GALR1: variants seen among roughly 807,000 people sequenced by gnomAD.
The protein encoded by GALR1 is galanin receptor type 1.
GALR1 carries 11 observed loss-of-function variants against 17.9 expected under a neutral mutation model. That is an observed-to-expected ratio of 0.62 (90% confidence interval 0.39 to 1.02). The LOEUF is 1.02. Ranked by LOEUF, GALR1 falls within the 50% of genes least tolerant of loss-of-function variation. The pLI, the probability that GALR1 is intolerant of heterozygous loss-of-function variation, is 0.01. For synonymous variants in GALR1, 206 were observed against 205.7 expected, an observed-to-expected ratio of 1.00 and a Z score of -0.01; for missense variants, 441 against 456.9, an observed-to-expected ratio of 0.97 and a Z score of 0.32.
At chr18:77,261,944 C>T (rs566167337) in intron 2 of GALR1, among the ~76,000 whole-genome samples, 52 of 152,246 alleles carry the variant, frequency 3.4e-4, no homozygotes, top group African/African-American at 1.2e-3. Flanking sequence ...CCACCTCAGC[C>T]TCCTGCATAG....
At position 77,274,637 on chromosome 18, in the gene GALR1, G is replaced by A. The variant is rs1439162938; in HGVS notation, c.*5735G>A. On this transcript the variant is annotated 3_prime_UTR_variant, in exon 3 of 3. Transcript: ENST00000299727. ...TGGGGACCGTTGACTATGCTGGGAG[G>A]GTGCAGAAATGAAGCTGATGGCAGA... 4 of 152,094 alleles carry A rather than the reference G, an allele frequency of 2.6e-5. No individual in the cohort carries two copies. The highest frequency in any genetic ancestry group is 9.7e-5 in the African/African-American group (4 of 41,394). 9.4% of individuals were successfully genotyped at this position (152,094 alleles called of 1,614,324 possible).
chr18:77,258,632 G>GGTGGGTA (rs1338840446), intron 2 of GALR1, among the ~76,000 whole-genome samples: 27 of 150,230 alleles, frequency 1.8e-4, no homozygotes, highest in Non-Finnish European at 3.6e-4. Context: ...TGGTGATGGT[G>GGTGGGTA]GTGATGGTGG....
rs1432982078 is a variant in GALR1 at position 77,276,665 on chromosome 18, G to A, written c.*7763G>A. 6.6e-6 allele frequency: 1 copy of A among 152,142 alleles called. No homozygotes were observed. The highest frequency in any genetic ancestry group is 2.4e-5 in the African/African-American group (1 of 41,424). 9.4% of individuals were successfully genotyped at this position (152,142 alleles called of 1,614,324 possible). A position where few individuals can be genotyped will look rare whatever the true frequency, so the allele number is the denominator to read the frequency against. On this transcript the variant is annotated 3_prime_UTR_variant, in exon 3 of 3. Coordinates refer to ENST00000299727, the MANE Select transcript of GALR1 (RefSeq NM_001480.4). ...TGGAGTCCAGGCTTTTTAAAACAGT[G>A]TCTGTATTTTCAGAGCAGATAACCA...
intron 1 of GALR1, among the ~76,000 whole-genome samples, chr18:77,252,953 CCACCAT>C (rs1568139156): frequency 0.016 from 1,046 of 66,504 alleles, 11 homozygotes; most frequent in South Asian, 0.031. Context: ...ACCACCATCA[CCACCAT>C]CACCACCACC....
intron 1 of GALR1, chr18:77,253,820 C>T (rs11664116): frequency 6.6e-5 from 10 of 152,106 alleles, no homozygotes; most frequent in African/African-American, 2.4e-4. Context: ...CAATTGCATT[C>T]CAGAGTTGCC....
Position 77,250,601 on chromosome 18 carries a change from C to T in GALR1, c.53C>T (p.Pro18Leu), listed in dbSNP as rs1475559386. ...GAGGGCAACGCGAGCTGGCCGGAGC[C>T]CCCCGCCCCGGAGCCCGGGCCGCTG... ...LSEGNASWPE[P>L]PAPEPGPLFG... Residue 18 changes from proline to leucine, a missense_variant, in exon 1 of 3, where the codon CCC becomes CTC. Physicochemically the swap from Pro to Leu is moderately conservative, Grantham distance 98. Coordinates refer to ENST00000299727, the MANE Select transcript of GALR1 (RefSeq NM_001480.4). 2.6e-6 allele frequency: 4 copies of T among 1,557,652 alleles called. No homozygotes were observed. Among genetic ancestry groups the T allele is most frequent in the East Asian group, 4.8e-5 (2 of 41,718 alleles).
chr18:77,252,971 T>TCACCACCACCACCACCAC (rs1912492036), intron 1 of GALR1, among the ~76,000 whole-genome samples: 1 of 23,192 alleles, frequency 4.3e-5, no homozygotes, highest in Non-Finnish European at 8.8e-5. Context: ...ACCACCACCA[T>TCACCACCACCACCACCAC]CACCACCATC....
chr18:77,254,745 T>A (rs755400379), intron 1 of GALR1, among the ~76,000 whole-genome samples: 1 of 152,240 alleles, frequency 6.6e-6, no homozygotes, highest in Non-Finnish European at 1.5e-5. Context: ...CATTCAGGTT[T>A]TGATACTCCC....
At chr18:77,262,112 G>A (rs547281157) in intron 2 of GALR1, among the ~76,000 whole-genome samples, 32 of 152,002 alleles carry the variant, frequency 2.1e-4, no homozygotes, top group Non-Finnish European at 4.1e-4. Context: ...ACAGGCATGA[G>A]CCACTGTTAT....
At position 77,268,637 on chromosome 18, in the gene GALR1, C is replaced by T. The variant is rs757793359; in HGVS notation, c.785C>T (p.Pro262Leu). ...GTGGTGTTTGGAATCTCCTGGCTGCCGCACCACATCATCCATCTCTGGGCT... is the reference window on the plus strand; with the variant it reads ...GTGGTGTTTGGAATCTCCTGGCTGCTGCACCACATCATCCATCTCTGGGCT... ...VVVVFGISWL[P>L]HHIIHLWAEF... Residue 262 changes from proline (P) to leucine (L), a missense_variant, in exon 3 of 3, where the codon CCG becomes CTG. Coordinates refer to ENST00000299727, the MANE Select transcript of GALR1 (RefSeq NM_001480.4). The T allele has an allele frequency of 1.2e-5, 20 of 1,613,932 alleles. No homozygotes were observed. The highest frequency in any genetic ancestry group is 1.6e-4 in the Middle Eastern group (1 of 6,084).
At position 77,276,054 on chromosome 18, in the gene GALR1, T is replaced by C. The variant is rs920309307; in HGVS notation, c.*7152T>C. 2 of 30,158 alleles carry C rather than the reference T, an allele frequency of 6.6e-5. No homozygotes were observed. Among genetic ancestry groups the C allele is most frequent in the African/African-American group, 1.3e-4 (2 of 15,740 alleles). The allele number at this position is 30,158 out of a possible 1,614,324, so 1.9% of individuals were successfully genotyped here. ...CATTGAAGTGAAATTGGATTATAAT[T>C]TAGAAATATTTATAAGCCAGAAATG... On this transcript the variant is annotated 3_prime_UTR_variant, in exon 3 of 3. Transcript: ENST00000299727.
Position 77,250,112 on chromosome 18 carries a change from A to C in GALR1, c.-437A>C, listed in dbSNP as rs1912357645. 6.6e-6 allele frequency among the ~76,000 whole-genome samples: 1 copy of C among 152,180 alleles called. No individual in the cohort carries two copies. Among genetic ancestry groups the C allele is most frequent in the Non-Finnish European group, 1.5e-5 (1 of 68,026 alleles). On this transcript the variant is annotated 5_prime_UTR_variant, in exon 1 of 3. Transcript: ENST00000299727. ...GCGGGAAGGAGCGGCTCCGAGCAAC[A>C]GGTGCAGCACGCAGCCCCTCCGGGA...
At position 77,250,786 on chromosome 18, in the gene GALR1, G is replaced by T. The variant is rs191309779; in HGVS notation, c.238G>T (p.Ala80Ser). The change falls in exon 1 of 3, where the codon GCC (alanine) becomes TCC (serine). Residue 80 changes from alanine to serine, a missense_variant. Transcript: ENST00000299727. ...TNLFILNLSI[A>S]DLAYLLFCIP... ...CCTGTTCATCCTCAACCTGAGCATC[G>T]CCGACCTGGCCTACCTGCTCTTCTG... The T allele has an allele frequency of 2.5e-6, 4 of 1,613,832 alleles. No homozygotes were observed. The African/African-American group carries it at 4.0e-5, about 16-fold the overall frequency.
chr18:77,256,523 A>ACAGAGTGCAGAGTGTAGAGTG (rs1912595319), intron 2 of GALR1, among the ~76,000 whole-genome samples: 1 of 150,820 alleles, frequency 6.6e-6, no homozygotes, highest in South Asian at 2.1e-4. Context: ...GTTGACTGAG[A>ACAGAGTGCAGAGTGTAGAGTG]CAGAGTGCAG....
In GALR1 at chr18:77,269,246, G is replaced by A. The variant is rs905085783; in HGVS notation, c.*344G>A. ...GTGAACTGGCCCATCAATATGGTCA[G>A]GAATATTTGCAGTCTACATTTTAAA... is the stretch of plus-strand genomic sequence containing the variant. On this transcript the variant is annotated 3_prime_UTR_variant, in exon 3 of 3. Coordinates refer to ENST00000299727, the MANE Select transcript of GALR1 (RefSeq NM_001480.4). 1.7e-5 allele frequency: 3 copies of A among 174,122 alleles called. No homozygotes were observed. Among genetic ancestry groups the A allele is most frequent in the African/African-American group, 7.1e-5 (3 of 42,178 alleles). 10.8% of individuals were successfully genotyped at this position (174,122 alleles called of 1,614,324 possible).
chr18:77,259,419 G>C (rs1460851106), intron 2 of GALR1, among the ~76,000 whole-genome samples: 2 of 150,558 alleles, frequency 1.3e-5, no homozygotes, highest in African/African-American at 2.5e-5. Flanking sequence ...TTATGGTGGT[G>C]ATGATGGTCA....
At chr18:77,257,233 C>A (rs1912611239) in intron 2 of GALR1, among the ~76,000 whole-genome samples, 1 of 152,102 alleles carries the variant, frequency 6.6e-6, no homozygotes, top group Non-Finnish European at 1.5e-5. Flanking sequence ...AGAGTCAAAA[C>A]CAGTGGTAGA....
chr18:77,270,993 G>A lies in GALR1; in HGVS notation c.*2091G>A, dbSNP rs950582244. 3 of 152,196 alleles carry A rather than the reference G, an allele frequency of 2.0e-5. No homozygotes were observed. The highest frequency in any genetic ancestry group is 7.2e-5 in the African/African-American group (3 of 41,436). 9.4% of individuals were successfully genotyped at this position (152,196 alleles called of 1,614,324 possible). On this transcript the variant is annotated 3_prime_UTR_variant, in exon 3 of 3. Coordinates refer to ENST00000299727, the MANE Select transcript of GALR1 (RefSeq NM_001480.4). ...TCTTTGGGTGTGAACTCACAAAACT[G>A]TGTAAAGAAGTGCCTTCTTGTTGTG...
chr18:77,256,514 T>C (rs1001549933), intron 2 of GALR1, among the ~76,000 whole-genome samples: 7 of 107,322 alleles, frequency 6.5e-5, no homozygotes, highest in African/African-American at 1.9e-4. Context: ...TGCACTTAGG[T>C]TGACTGAGAC....
Sources: gnomAD v4.1 joint callset for allele counts (sites outside exome capture counted in the v4.1 genomes callset) on GRCh38, gnomAD v4.1.1 for gene constraint, MANE v1.5 for transcripts, NCBI Gene and HGNC (gene_info 2026-07-23, HGNC 2026-07-21) for gene names.